Variants in PTPRJ observed in about 807,000 individuals in gnomAD.
PTPRJ encodes protein tyrosine phosphatase receptor type J.
In PTPRJ, 129 loss-of-function variants were observed where a neutral mutation model predicts 141.3. The ratio of observed to expected loss-of-function variants is 0.91; its 90% confidence interval spans 0.79 to 1.06. PTPRJ has a LOEUF of 1.06. PTPRJ is among the 50% of genes least tolerant of loss of function. The pLI, the probability that PTPRJ is intolerant of heterozygous loss-of-function variation, is 0.00. For synonymous variants in PTPRJ, 610 were observed against 640.5 expected, an observed-to-expected ratio of 0.95 and a Z score of 0.72; for missense variants, 1,601 against 1,679.7, an observed-to-expected ratio of 0.95 and a Z score of 0.82.
At chr11:47,993,500 C>T (rs1590388246) in intron 1 of PTPRJ, among the ~76,000 whole-genome samples, 1 of 151,960 alleles carries the variant, frequency 6.6e-6, no homozygotes. Context: ...ATCATGTTGG[C>T]CAGGCTGGTG....
chr11:48,061,909 G>GTT (rs551934826), intron 1 of PTPRJ, among the ~76,000 whole-genome samples: 34 of 134,604 alleles, frequency 2.5e-4, no homozygotes, highest in Admixed American at 5.3e-4. Flanking sequence ...CCAACTTATA[G>GTT]TTTTTTTTTT....
At chr11:47,986,201 T>C (rs1235387142) in intron 1 of PTPRJ, among the ~76,000 whole-genome samples, 1 of 152,194 alleles carries the variant, frequency 6.6e-6, no homozygotes, top group East Asian at 1.9e-4. Flanking sequence ...TTCCTGCTTA[T>C]ATTTCTTTGG....
At chr11:48,016,806 T>A (rs1854960143) in intron 1 of PTPRJ, among the ~76,000 whole-genome samples, 1 of 152,152 alleles carries the variant, frequency 6.6e-6, no homozygotes, top group South Asian at 2.1e-4. Flanking sequence ...TAGTGAACAT[T>A]TAAGGAACAC....
chr11:48,039,464 G>GGGGTGTGT (rs536448671), intron 1 of PTPRJ, among the ~76,000 whole-genome samples: 35 of 146,538 alleles, frequency 2.4e-4, no homozygotes, highest in African/African-American at 7.7e-4. Flanking sequence ...ACAACACTAT[G>GGGGTGTGT]GTGTGTGTGT....
intron 1 of PTPRJ, among the ~76,000 whole-genome samples, chr11:48,103,204 C>T (rs1327616016): frequency 6.6e-6 from 1 of 152,108 alleles, no homozygotes; most frequent in Non-Finnish European, 1.5e-5. Context: ...TGGCTCATGC[C>T]TGCCCCACAC....
At chr11:48,019,492 G>A (rs541241524) in intron 1 of PTPRJ, among the ~76,000 whole-genome samples, 4 of 152,076 alleles carry the variant, frequency 2.6e-5, no homozygotes, top group Admixed American at 1.3e-4. Flanking sequence ...ATTTGCTCAC[G>A]TCTAGAAAGT....
chr11:48,039,503 A>G (rs1278275174), intron 1 of PTPRJ, among the ~76,000 whole-genome samples: 3 of 133,832 alleles, frequency 2.2e-5, no homozygotes, highest in East Asian at 4.4e-4. Flanking sequence ...GTGTGTGTGT[A>G]TGCACATGTG....
chr11:48,087,002 GTAATAA>G (rs955765181), intron 1 of PTPRJ, among the ~76,000 whole-genome samples: 1 of 152,002 alleles, frequency 6.6e-6, no homozygotes, highest in Non-Finnish European at 1.5e-5. Flanking sequence ...TGACTCAATA[GTAATAA>G]TAATAATAAT....
intron 8 of PTPRJ, among the ~76,000 whole-genome samples, chr11:48,134,593 G>GT (rs1857045619): frequency 2.6e-5 from 4 of 151,894 alleles, no homozygotes; most frequent in Admixed American, 6.5e-5. Context: ...AATTTTTTTT[G>GT]TTTTTTGGAC....
At chr11:48,006,112 G>T (rs1244447613) in intron 1 of PTPRJ, among the ~76,000 whole-genome samples, 2 of 152,230 alleles carry the variant, frequency 1.3e-5, no homozygotes, top group Non-Finnish European at 2.9e-5. Context: ...AGCACCCACA[G>T]AACCGCTGTG....
In PTPRJ at chr11:48,167,497, G is replaced by A; in HGVS notation, c.*135G>A. The A allele has an allele frequency of 9.2e-7, 1 of 1,084,048 alleles. No individual in the cohort carries two copies. The highest frequency in any genetic ancestry group is 1.3e-6 in the Non-Finnish European group (1 of 776,670). 67.2% of individuals were successfully genotyped at this position (1,084,048 alleles called of 1,614,324 possible). A position where few individuals can be genotyped will look rare whatever the true frequency, so the allele number is the denominator to read the frequency against. Reference sequence around the variant, plus strand: ...CTGTTTTGTGAGAACTAATTTTGAGGGCATGAAGCTGCATATGATAGATGA... The same window carrying A: ...CTGTTTTGTGAGAACTAATTTTGAGAGCATGAAGCTGCATATGATAGATGA... On this transcript the variant is annotated 3_prime_UTR_variant, in exon 25 of 25. Coordinates refer to ENST00000418331, the MANE Select transcript of PTPRJ (RefSeq NM_002843.4).
At chr11:48,108,888 C>T (rs1014715857) in intron 1 of PTPRJ, among the ~76,000 whole-genome samples, 120 of 152,134 alleles carry the variant, frequency 7.9e-4, no homozygotes, top group African/African-American at 2.4e-3. Context: ...CTTCCTGTGC[C>T]GTTTATTGAG....
chr11:48,008,199 C>T (rs1007933796), intron 1 of PTPRJ, among the ~76,000 whole-genome samples: 2 of 152,162 alleles, frequency 1.3e-5, no homozygotes, highest in African/African-American at 4.8e-5. Flanking sequence ...TGAGCCCATG[C>T]GTGGACCCTT....
chr11:47,991,009 C>T (rs905054420), intron 1 of PTPRJ, among the ~76,000 whole-genome samples: 17 of 151,900 alleles, frequency 1.1e-4, no homozygotes, highest in African/African-American at 4.1e-4. Flanking sequence ...TGTGAGCCAC[C>T]GCGCCCGGCC....
At chr11:48,054,140 G>A (rs1854689911) in intron 1 of PTPRJ, among the ~76,000 whole-genome samples, 1 of 151,912 alleles carries the variant, frequency 6.6e-6, no homozygotes, top group Non-Finnish European at 1.5e-5. Flanking sequence ...CACCATGTTG[G>A]CCAGGCTGGT....
rs1202947897 is a variant in PTPRJ, at chr11:48,170,270, C to G, written c.*2908C>G. 6.6e-6 allele frequency: 1 copy of G among 152,098 alleles called. No individual in the cohort carries two copies. Among genetic ancestry groups the G allele is most frequent in the Non-Finnish European group, 1.5e-5 (1 of 68,030 alleles). 9.4% of individuals were successfully genotyped at this position (152,098 alleles called of 1,614,324 possible). ...CCCAGGAACAACGACTTTTTGCCTCCAAAGTTGGATCTAGTGATGATCAGC... is the reference window on the plus strand; with the variant it reads ...CCCAGGAACAACGACTTTTTGCCTCGAAAGTTGGATCTAGTGATGATCAGC... On this transcript the variant is annotated 3_prime_UTR_variant, in exon 25 of 25. Coordinates refer to ENST00000418331, the MANE Select transcript of PTPRJ (RefSeq NM_002843.4).
At chr11:48,137,670 A>T (rs561740571) in intron 10 of PTPRJ, among the ~76,000 whole-genome samples, 1 of 152,198 alleles carries the variant, frequency 6.6e-6, no homozygotes, top group East Asian at 1.9e-4. Flanking sequence ...GCCTGTGCAG[A>T]GGGGCCTGTG....
At chr11:48,010,233 A>G (rs976198900) in intron 1 of PTPRJ, among the ~76,000 whole-genome samples, 1 of 152,026 alleles carries the variant, frequency 6.6e-6, no homozygotes, top group African/African-American at 2.4e-5. Flanking sequence ...GCTGGAGTAG[A>G]GTGGCGTTAT....
At chr11:47,986,672 A>T (rs2063917660) in intron 1 of PTPRJ, among the ~76,000 whole-genome samples, 1 of 152,130 alleles carries the variant, frequency 6.6e-6, no homozygotes, top group African/African-American at 2.4e-5. Context: ...ACGCTCCGTC[A>T]TGTCTGGCTA....
Sources: gnomAD v4.1 joint callset for allele counts (sites outside exome capture counted in the v4.1 genomes callset) on GRCh38, gnomAD v4.1.1 for gene constraint, MANE v1.5 for transcripts, NCBI Gene and HGNC (gene_info 2026-07-23, HGNC 2026-07-21) for gene names.